Variants in C11orf54 observed in about 807,000 individuals in gnomAD.
The protein encoded by C11orf54 is beta-keto-L-gulonate decarboxylase.
Under a neutral mutation model 35.5 loss-of-function variants are expected in C11orf54, and 29 were observed. The observed-to-expected ratio is 0.82, with a 90% CI of 0.61 to 1.11. The LOEUF is 1.11. Among genes scored for constraint, C11orf54 ranks in the 50% most tolerant of loss-of-function variants. The pLI, the probability that C11orf54 is intolerant of heterozygous loss-of-function variation, is 0.00. For missense variants in C11orf54, 373 were observed against 369.2 expected (o/e 1.01, Z -0.08); for synonymous variants, 108 against 121.1 (o/e 0.89, Z 0.71).
At chr11:93,758,290 A>G (rs1426936067) in intron 7 of C11orf54, among the ~76,000 whole-genome samples, 1 of 152,182 alleles carries the variant, frequency 6.6e-6, no homozygotes, top group Non-Finnish European at 1.5e-5. Context: ...CGCCCAAGCC[A>G]TGGCTGTAGT....
intron 8 of C11orf54, among the ~76,000 whole-genome samples, chr11:93,761,058 T>G (rs926748543): frequency 6.6e-6 from 1 of 152,180 alleles, no homozygotes; most frequent in Non-Finnish European, 1.5e-5. Context: ...TATTACAGTA[T>G]TGTTGTAGTA....
rs914420825 is a variant in C11orf54, at chr11:93,763,134, A to G, written c.*1446A>G. Reference sequence around the variant, plus strand: ...GACAAAATAATATTAATAGTCTATCATTTAACAAATATGTATTGAACACCT... The same window carrying G: ...GACAAAATAATATTAATAGTCTATCGTTTAACAAATATGTATTGAACACCT... On this transcript the variant is annotated 3_prime_UTR_variant, in exon 9 of 9. Transcript: ENST00000354421. The G allele has an allele frequency of 3.3e-5, 5 of 152,200 alleles. No homozygotes were observed. The highest frequency in any genetic ancestry group is 2.6e-4 in the Admixed American group (4 of 15,272). 9.4% of individuals were successfully genotyped at this position (152,200 alleles called of 1,614,324 possible).
chr11:93,758,980 G>T (rs1206477315), intron 7 of C11orf54, among the ~76,000 whole-genome samples: 1 of 152,224 alleles, frequency 6.6e-6, no homozygotes, highest in Non-Finnish European at 1.5e-5. Context: ...TCCAGCCTGG[G>T]TGACAGAGCC....
chr11:93,761,352 T>A (rs1055240467), intron 8 of C11orf54, among the ~76,000 whole-genome samples, 163 bp from the exon 9 acceptor site: 1 of 152,202 alleles, frequency 6.6e-6, no homozygotes, highest in African/African-American at 2.4e-5. Context: ...GAGAAGAAGA[T>A]ACATTTTACT....
intron 1 of C11orf54, among the ~76,000 whole-genome samples, chr11:93,744,533 A>G (rs183753742): frequency 7.0e-4 from 106 of 152,346 alleles, no homozygotes; most frequent in African/African-American, 2.3e-3. Context: ...TTAGTACCCA[A>G]TGTTTGCTTG....
chr11:93,756,239 G>C (rs1291129576), intron 6 of C11orf54, among the ~76,000 whole-genome samples: 1 of 145,228 alleles, frequency 6.9e-6, no homozygotes, highest in Admixed American at 7.0e-5. Flanking sequence ...CCAGTCCTTT[G>C]AGAGGCCAAA....
At chr11:93,753,577 T>C in intron 3 of C11orf54, 105 bp from the exon 4 acceptor site, 2 of 978,920 alleles carry the variant, frequency 2.0e-6, no homozygotes, top group Non-Finnish European at 1.5e-6. Context: ...TTTGTAAAAC[T>C]TTATGATAAT....
At position 93,755,194 on chromosome 11, in the gene C11orf54, C is replaced by G. The variant is rs767812114; in HGVS notation, c.331-16C>G. 6.2e-7 allele frequency: 1 copy of G among 1,611,380 alleles called. No homozygotes were observed. The highest frequency in any genetic ancestry group is 2.2e-5 in the East Asian group (1 of 44,834). ...AGAGATACAAAGATTGACTAATTGC[C>G]TCACTTTCTTTTCAGTTTATGCCAG... On this transcript the variant is annotated splice_polypyrimidine_tract_variant and intron_variant, in intron 5 of 8. Transcript: ENST00000354421.
At chr11:93,752,490 C>T (rs543466078) in intron 3 of C11orf54, among the ~76,000 whole-genome samples, 6 of 152,196 alleles carry the variant, frequency 3.9e-5, no homozygotes, top group African/African-American at 1.4e-4. Context: ...CTGACATTCT[C>T]CCCTAGGTTC....
At position 93,761,775 on chromosome 11, in the gene C11orf54, A is replaced by G. The variant is rs1943492545; in HGVS notation, c.*87A>G. 7.0e-6 allele frequency: 9 copies of G among 1,292,586 alleles called. No homozygotes were observed. Among genetic ancestry groups the G allele is most frequent in the Non-Finnish European group, 9.3e-6 (9 of 969,362 alleles). 80.1% of individuals were successfully genotyped at this position (1,292,586 alleles called of 1,614,324 possible). A position where few individuals can be genotyped will look rare whatever the true frequency, so the allele number is the denominator to read the frequency against. ...ATTAATACTGATATAAAACCAATAG[A>G]AATGATCCCACAGGCCAGGCACAAT... On this transcript the variant is annotated 3_prime_UTR_variant, in exon 9 of 9. Transcript: ENST00000354421.
Position 93,755,245 on chromosome 11 carries a change from G to A in C11orf54, c.366G>A (p.Lys122=), listed in dbSNP as rs1943071717. Reference sequence around the variant, plus strand: ...TTATTCAGACAGAAAGTGAACACAAGCCTCCTGTAAATGGAAGTTACTTTG... The same window carrying A: ...TTATTCAGACAGAAAGTGAACACAAACCTCCTGTAAATGGAAGTTACTTTG... The part of the protein sequence containing the change: ...MPVIQTESEH[K]PPVNGSYFAH... The change falls in exon 6 of 9, where the codon AAG becomes AAA. Residue 122 remains lysine, a synonymous_variant. Coordinates refer to ENST00000354421, the MANE Select transcript of C11orf54 (RefSeq NM_001286069.2). The A allele has an allele frequency of 3.1e-6, 5 of 1,614,052 alleles. No homozygotes were observed. The highest frequency in any genetic ancestry group is 4.2e-6 in the Non-Finnish European group (5 of 1,180,002).
In C11orf54 at chr11:93,752,226, A is replaced by T. The variant is rs184241403; in HGVS notation, c.155-1456A>T. Among the ~76,000 whole-genome samples the T allele has an allele frequency of 1.3e-3, 201 of 152,234 alleles. 1 individual carries two copies. Among genetic ancestry groups the T allele is most frequent in the Admixed American group, 4.3e-3 (65 of 15,276 alleles). On this transcript the variant is annotated intron_variant, in intron 3 of 8. Transcript: ENST00000354421. Reference sequence around the variant, plus strand: ...CTGGTCAGTAATTTGTGAGTCTTTAAATTGCAATACTAGAAGCCAGATATG... The same window carrying T: ...CTGGTCAGTAATTTGTGAGTCTTTATATTGCAATACTAGAAGCCAGATATG...
Position 93,761,875 on chromosome 11 carries a change from G to A in C11orf54, c.*187G>A, listed in dbSNP as rs1198249262. ...ACTGGAGCCCAGGAGTTTGAGACCAGCTTGGGCAACATAGCAAGACCCTGT... is the reference window on the plus strand; with the variant it reads ...ACTGGAGCCCAGGAGTTTGAGACCAACTTGGGCAACATAGCAAGACCCTGT... On this transcript the variant is annotated 3_prime_UTR_variant, in exon 9 of 9. Transcript: ENST00000354421. 3 of 447,984 alleles carry A rather than the reference G, an allele frequency of 6.7e-6. No homozygotes were observed. The Admixed American group carries it at 1.3e-4, about 19-fold the overall frequency. 27.8% of individuals were successfully genotyped at this position (447,984 alleles called of 1,614,324 possible).
Position 93,747,451 on chromosome 11 carries a change from A to T in C11orf54, c.55+3A>T, listed in dbSNP as rs375655844. The T allele has an allele frequency of 5.7e-6, 9 of 1,586,222 alleles. No individual in the cohort carries two copies. Among genetic ancestry groups the T allele is most frequent in the Non-Finnish European group, 7.7e-6 (9 of 1,169,958 alleles). On this transcript the variant is annotated splice_donor_region_variant and intron_variant, in intron 2 of 8. Transcript: ENST00000354421. ...AAGTCTTGAAGAGCTTGCTGGAGGT[A>T]AAAACAATATTAACTTTGGATTTTT...
At chr11:93,749,012 C>CG (rs1942647240) in intron 2 of C11orf54, among the ~76,000 whole-genome samples, 1 of 151,700 alleles carries the variant, frequency 6.6e-6, no homozygotes. Context: ...GGTGTGGTGG[C>CG]GGGCGCCTGT....
intron 1 of C11orf54, 28 bp from the exon 2 acceptor site, chr11:93,747,269 T>G: frequency 1.6e-6 from 1 of 613,348 alleles, no homozygotes; most frequent in Non-Finnish European, 2.7e-6. Context: ...TCTGTTTATA[T>G]GTTTGAATGC....
intron 1 of C11orf54, among the ~76,000 whole-genome samples, chr11:93,743,388 T>C (rs1942257021): frequency 6.6e-6 from 1 of 152,242 alleles, no homozygotes; most frequent in African/African-American, 2.4e-5. Context: ...GATATTCCTC[T>C]GACCCCTTCG....
chr11:93,745,173 C>T (rs1314665929), intron 1 of C11orf54, among the ~76,000 whole-genome samples: 1 of 152,146 alleles, frequency 6.6e-6, no homozygotes, highest in Non-Finnish European at 1.5e-5. Context: ...CATTCTGTTC[C>T]CAGGGATATG....
At chr11:93,745,284 C>T (rs1942400345) in intron 1 of C11orf54, among the ~76,000 whole-genome samples, 1 of 152,150 alleles carries the variant, frequency 6.6e-6, no homozygotes, top group African/African-American at 2.4e-5. Context: ...CCCACGAGGC[C>T]ATATCTCAGG....
Sources: gnomAD v4.1 joint callset for allele counts (sites outside exome capture counted in the v4.1 genomes callset) on GRCh38, gnomAD v4.1.1 for gene constraint, MANE v1.5 for transcripts, NCBI Gene and HGNC (gene_info 2026-07-23, HGNC 2026-07-21) for gene names.